Variants in CSMD1 observed in about 807,000 individuals in gnomAD.
CSMD1 encodes the protein CUB and sushi domain-containing protein 1.
CSMD1 carries 213 observed loss-of-function variants against 417.5 expected under a neutral mutation model. The ratio of observed to expected loss-of-function variants is 0.51; its 90% CI spans 0.46 to 0.57. The LOEUF is 0.57. Ranked by LOEUF, CSMD1 falls within the 20% of genes least tolerant of loss-of-function variation. The pLI is 0.00. For missense variants in CSMD1, 6,923 were observed against 4,529.7 expected, an observed-to-expected ratio of 1.53 and a Z score of -15.17; for synonymous variants, 2,862 against 1,736.8, an observed-to-expected ratio of 1.65 and a Z score of -16.11.
chr8:4,370,099 T>C (rs959400676), intron 3 of CSMD1, among the ~76,000 whole-genome samples: 1 of 152,136 alleles, frequency 6.6e-6, no homozygotes, highest in African/African-American at 2.4e-5. Flanking sequence ...CATTTCCATA[T>C]TTAGCATGCC....
chr8:3,745,986 T>C (rs1797048509), intron 6 of CSMD1, among the ~76,000 whole-genome samples: 1 of 152,184 alleles, frequency 6.6e-6, no homozygotes, highest in East Asian at 1.9e-4. Context: ...CTGAAGACTT[T>C]GGTGGACAAC....
intron 11 of CSMD1, among the ~76,000 whole-genome samples, chr8:3,474,583 G>A (rs1002614766): frequency 6.6e-6 from 1 of 152,120 alleles, no homozygotes; most frequent in African/African-American, 2.4e-5. Flanking sequence ...TGGTCTTTAT[G>A]CAGAAGTTTG....
rs1554476819 is a variant in CSMD1 at position 3,893,362 on chromosome 8, T to TATATATATATATATATATATATATAA, written c.818+104540_818+104541insTTATATATATATATATATATATATAT. Among the ~76,000 whole-genome samples, 7 of 125,642 alleles carry TATATATATATATATATATATATATAA rather than the reference T, an allele frequency of 5.6e-5. 1 individual carries two copies. Among genetic ancestry groups the TATATATATATATATATATATATATAA allele is most frequent in the Non-Finnish European group, 1.0e-4 (6 of 58,304 alleles). 82.4% of individuals were successfully genotyped at this position (125,642 alleles called of 152,430 possible). ...TTTTATATATATATATATATATATATTATTTTTTTTCTTAGAGGGTCATCA... is the reference window on the plus strand; with the variant it reads ...TTTTATATATATATATATATATATATATATATATATATATATATATATATAATATTTTTTTTCTTAGAGGGTCATCA... On this transcript the variant is annotated intron_variant, in intron 5 of 69. Transcript: ENST00000635120.
chr8:4,392,281 T>C (rs997297144), intron 3 of CSMD1, among the ~76,000 whole-genome samples: 5 of 152,188 alleles, frequency 3.3e-5, no homozygotes, highest in African/African-American at 9.6e-5. Flanking sequence ...TAGCTGATAA[T>C]ATATCCTGGA....
intron 6 of CSMD1, among the ~76,000 whole-genome samples, chr8:3,752,896 A>G (rs1003550664): frequency 7.9e-5 from 12 of 152,144 alleles, no homozygotes; most frequent in Admixed American, 7.9e-4. Flanking sequence ...CGATGAAAGC[A>G]TTATGGATTT....
chr8:3,521,415 G>T (rs1797503361), intron 10 of CSMD1, among the ~76,000 whole-genome samples: 1 of 152,126 alleles, frequency 6.6e-6, no homozygotes, highest in African/African-American at 2.4e-5. Context: ...CCATTTCCAT[G>T]AAGTCCTCCT....
intron 8 of CSMD1, among the ~76,000 whole-genome samples, chr8:3,602,106 C>T (rs1160295316): frequency 6.6e-6 from 1 of 152,118 alleles, no homozygotes; most frequent in East Asian, 1.9e-4. Context: ...TGTGTTAACA[C>T]CATTGAACTG....
intron 49 of CSMD1, among the ~76,000 whole-genome samples, chr8:3,083,180 C>A (rs1814235728): frequency 6.6e-6 from 1 of 152,012 alleles, no homozygotes; most frequent in Non-Finnish European, 1.5e-5. Context: ...TATATATTAA[C>A]TCTCTTTAAA....
intron 3 of CSMD1, among the ~76,000 whole-genome samples, chr8:4,158,855 C>A (rs974947141): frequency 2.0e-5 from 3 of 152,150 alleles, no homozygotes; most frequent in South Asian, 4.1e-4. Context: ...TTTTCAGAAT[C>A]TGAAATCTCA....
chr8:4,465,900 C>A (rs558561553), intron 2 of CSMD1, among the ~76,000 whole-genome samples: 1 of 152,168 alleles, frequency 6.6e-6, no homozygotes, highest in Non-Finnish European at 1.5e-5. Flanking sequence ...ACTGCACTAA[C>A]AAACTCACAG....
intron 3 of CSMD1, among the ~76,000 whole-genome samples, chr8:4,300,541 A>G (rs1291187058): frequency 6.6e-6 from 1 of 151,874 alleles, no homozygotes; most frequent in Non-Finnish European, 1.5e-5. Flanking sequence ...TTTACATTTT[A>G]TTATTATTAT....
At chr8:4,200,667 G>T (rs368468262) in intron 3 of CSMD1, among the ~76,000 whole-genome samples, 1 of 152,100 alleles carries the variant, frequency 6.6e-6, no homozygotes, top group Non-Finnish European at 1.5e-5. Context: ...ACCACCCTGG[G>T]CAAGGTAGGA....
chr8:4,184,270 T>G (rs2131187802), intron 3 of CSMD1, among the ~76,000 whole-genome samples: 1 of 152,322 alleles, frequency 6.6e-6, no homozygotes, highest in South Asian at 2.1e-4. Flanking sequence ...CATATGCTCA[T>G]TTATAATCTA....
chr8:4,875,710 G>A (rs900059001), intron 1 of CSMD1, among the ~76,000 whole-genome samples: 1 of 152,068 alleles, frequency 6.6e-6, no homozygotes, highest in African/African-American at 2.4e-5. Flanking sequence ...GAGAAACCAA[G>A]ATAAATACTA....
chr8:3,316,900 A>T (rs576454469), intron 23 of CSMD1, among the ~76,000 whole-genome samples: 4 of 152,272 alleles, frequency 2.6e-5, no homozygotes, highest in African/African-American at 9.6e-5. Context: ...GGGTGAGAAG[A>T]AAGAAAGGAC....
chr8:3,014,035 C>T (rs1178905556), intron 52 of CSMD1, among the ~76,000 whole-genome samples: 1 of 152,112 alleles, frequency 6.6e-6, no homozygotes, highest in Admixed American at 6.6e-5. Context: ...TCCTCATATA[C>T]ATTGCAATTA....
At chr8:3,651,625 C>G (rs1797862430) in intron 7 of CSMD1, among the ~76,000 whole-genome samples, 1 of 152,124 alleles carries the variant, frequency 6.6e-6, no homozygotes, top group African/African-American at 2.4e-5. Flanking sequence ...TCCTTCTCAT[C>G]CACTCTATTT....
chr8:3,002,246 T>C (rs907890041), intron 52 of CSMD1, among the ~76,000 whole-genome samples: 3 of 152,232 alleles, frequency 2.0e-5, no homozygotes, highest in Non-Finnish European at 4.4e-5. Context: ...AAGGCACAAG[T>C]GTTATCACAG....
At chr8:3,359,754 G>C (rs949111161) in intron 20 of CSMD1, among the ~76,000 whole-genome samples, 5 of 152,094 alleles carry the variant, frequency 3.3e-5, no homozygotes, top group African/African-American at 9.7e-5. Flanking sequence ...GATCGGAAAT[G>C]TTCCCAACAC....
Sources: allele counts gnomAD v4.1 joint callset (sites outside exome capture counted in the v4.1 genomes callset), GRCh38; gene constraint gnomAD v4.1.1; transcripts MANE v1.5; gene names NCBI Gene and HGNC (gene_info 2026-07-23, HGNC 2026-07-21).